The following UPF2 variants were observed in gnomAD, a reference collection of about 807,000 sequenced individuals.
The protein encoded by UPF2 is UPF2 regulator of nonsense mediated mRNA decay, also known as regulator of nonsense transcripts 2.
UPF2 carries 17 observed loss-of-function variants against 141.4 expected under a neutral mutation model. That is an observed-to-expected ratio of 0.12 (90% CI 0.08 to 0.18). The LOEUF (loss-of-function observed/expected upper bound fraction) is 0.18, where lower values mean the gene tolerates loss of function less well. Ranked by LOEUF, UPF2 falls within the 10% of genes least tolerant of loss-of-function variation. The pLI, the probability that UPF2 is intolerant of heterozygous loss-of-function variation, is 1.00. For missense variants in UPF2, 1,152 were observed against 1,515.9 expected (o/e 0.76, Z 3.99); for synonymous variants, 540 against 498.0 (o/e 1.08, Z -1.12).
In UPF2 at chr10:11,935,800, T is replaced by C. The variant is rs907144341; in HGVS notation, c.3546+745A>G. On this transcript the variant is annotated intron_variant, in intron 19 of 21. Transcript: ENST00000357604. This position sits in a 1 kb window ranked among gnomAD's most constrained non-coding sequence, Gnocchi z 4.9. The stretch of plus-strand genomic sequence containing the variant: ...GTACCTGGCACGTAGTGATGCTCAA[T>C]AGTTGACAAATCAACTATGGATCGC... Among the ~76,000 whole-genome samples, 10 of 152,166 alleles carry C rather than the reference T, an allele frequency of 6.6e-5. No homozygotes were observed. The highest frequency in any genetic ancestry group is 1.0e-4 in the Non-Finnish European group (7 of 68,030).
Position 12,016,736 on chromosome 10 carries a change from T to C in UPF2, c.1146-2552A>G, listed in dbSNP as rs531749703. 1.4e-5 allele frequency among the ~76,000 whole-genome samples: 2 copies of C among 145,694 alleles called. No individual in the cohort carries two copies. Among genetic ancestry groups the C allele is most frequent in the South Asian group, 2.2e-4 (1 of 4,586 alleles). On this transcript the variant is annotated intron_variant, in intron 3 of 21. Transcript: ENST00000357604. This position sits in a 1 kb window ranked among gnomAD's most constrained non-coding sequence, Gnocchi z 4.1. ...GTAAGTTACTTAAAAATATCTGCAA[T>C]GTAGGGCCGGGCACGGTGGTTCACG... is the stretch of plus-strand genomic sequence containing the variant.
At chr10:11,942,587 C>A in intron 18 of UPF2, 78 bp downstream of exon 18, 1 of 1,295,642 alleles carries the variant, frequency 7.7e-7, no homozygotes. Flanking sequence ...ATAGGAGAGG[C>A]CTTCACATGA....
chr10:11,984,919 G>C (rs538120112), intron 8 of UPF2, among the ~76,000 whole-genome samples: 4 of 151,980 alleles, frequency 2.6e-5, no homozygotes, highest in African/African-American at 9.7e-5. Flanking sequence ...CAACATGGTG[G>C]CCAGGCTGAT....
Position 11,979,127 on chromosome 10 carries a change from G to A in UPF2, c.1883C>T (p.Thr628Ile). 6.2e-7 allele frequency: 1 copy of A among 1,613,506 alleles called. No homozygotes were observed. Among genetic ancestry groups the A allele is most frequent in the Non-Finnish European group, 8.5e-7 (1 of 1,179,624 alleles). ...LLPFYARLVA[T>I]LHPCMSDVAE... ...TACATCAGACATGCAGGGATGCAAT[G>A]TAGCAACCAATCTTGCATAAAATGG... The change falls in exon 9 of 22, where the codon ACA becomes ATA. Residue 628 changes from threonine to isoleucine, a missense_variant. Coordinates refer to ENST00000357604, the MANE Select transcript of UPF2 (RefSeq NM_015542.4). This position sits in a 1 kb window ranked among gnomAD's most constrained non-coding sequence, Gnocchi z 6.2.
At chr10:11,983,028 G>A (rs917531635) in intron 8 of UPF2, among the ~76,000 whole-genome samples, 8 of 152,088 alleles carry the variant, frequency 5.3e-5, no homozygotes, top group African/African-American at 1.4e-4. Context: ...GTTCAGTTCC[G>A]TGGCAGACAG....
intron 3 of UPF2, among the ~76,000 whole-genome samples, chr10:12,015,420 G>T (rs377146109): frequency 6.8e-4 from 104 of 152,180 alleles, no homozygotes; most frequent in Non-Finnish European, 1.2e-3. Context: ...ATAACAATTC[G>T]GCCAGGCATG....
At position 11,929,858 on chromosome 10, in the gene UPF2, G is replaced by A. The variant is rs1260428708; in HGVS notation, c.3809+7C>T. 3 of 1,614,030 alleles carry A rather than the reference G, an allele frequency of 1.9e-6. No individual in the cohort carries two copies. The highest frequency in any genetic ancestry group is 4.5e-5 in the East Asian group (2 of 44,876). On this transcript the variant is annotated splice_region_variant and intron_variant, in intron 21 of 21. Transcript: ENST00000357604. ...AACAGCTAAGGAAGGAGTAATGACT[G>A]CTTTACCTCCCACCAGTCTTAAAGA...
Position 12,014,013 on chromosome 10 carries a change from A to G in UPF2, c.1306+11T>C, listed in dbSNP as rs771830483. 2.3e-5 allele frequency: 35 copies of G among 1,518,882 alleles called. No homozygotes were observed. Among genetic ancestry groups the G allele is most frequent in the Non-Finnish European group, 3.1e-5 (35 of 1,125,868 alleles). The allele number at this position is 1,518,882 out of a possible 1,614,324, so 94.1% of individuals were successfully genotyped here. On this transcript the variant is annotated intron_variant, in intron 4 of 21. Coordinates refer to ENST00000357604, the MANE Select transcript of UPF2 (RefSeq NM_015542.4). This position sits in a 1 kb window ranked among gnomAD's most constrained non-coding sequence, Gnocchi z 5.0. ...GAAAACACAATGTTTGTTTTTAAGG[A>G]TATCTCTTACCTTCTGGTGTTGGTT...
intron 4 of UPF2, among the ~76,000 whole-genome samples, chr10:12,013,190 A>G (rs983359664): frequency 1.3e-5 from 2 of 151,868 alleles, no homozygotes; most frequent in African/African-American, 4.8e-5. Context: ...CATTCACAGT[A>G]TACAATAGGT....
rs969101672 is a variant in UPF2, at chr10:11,953,060, T to G, written c.2851-811A>C. 1.3e-5 allele frequency among the ~76,000 whole-genome samples: 2 copies of G among 152,230 alleles called. No homozygotes were observed. The highest frequency in any genetic ancestry group is 4.8e-5 in the African/African-American group (2 of 41,458). On this transcript the variant is annotated intron_variant, in intron 14 of 21. Transcript: ENST00000357604. This position sits in a 1 kb window ranked among gnomAD's most constrained non-coding sequence, Gnocchi z 5.0. ...ATTTATTGAATATCTACTGTGTATATGGCATGGTGTGGATATTTTCCCTCT... is the reference window on the plus strand; with the variant it reads ...ATTTATTGAATATCTACTGTGTATAGGGCATGGTGTGGATATTTTCCCTCT...
intron 16 of UPF2, among the ~76,000 whole-genome samples, chr10:11,943,375 A>T (rs1832960853): frequency 6.6e-6 from 1 of 152,224 alleles, no homozygotes; most frequent in South Asian, 2.1e-4. Context: ...CACTACCTTC[A>T]ACTGATCTAA....
chr10:11,940,600 T>A lies in UPF2; in HGVS notation c.3378+2065A>T, dbSNP rs866963912. ...GTGGCCCAATCTGGAAAACCAACTA[T>A]CATCTTTGATGCCTCACCCCCTACA... On this transcript the variant is annotated intron_variant, in intron 18 of 21. Transcript: ENST00000357604. This position sits in a 1 kb window ranked among gnomAD's most constrained non-coding sequence, Gnocchi z 4.2. Among the ~76,000 whole-genome samples, 1 of 152,110 alleles carries A rather than the reference T, an allele frequency of 6.6e-6. No individual in the cohort carries two copies. The highest frequency in any genetic ancestry group is 1.5e-5 in the Non-Finnish European group (1 of 68,014).
At chr10:11,932,139 A>G (rs926031571) in intron 19 of UPF2, among the ~76,000 whole-genome samples, 1 of 150,008 alleles carries the variant, frequency 6.7e-6, no homozygotes, top group Non-Finnish European at 1.5e-5. Flanking sequence ...AAAGAGCAAG[A>G]CTCCAACTCA....
intron 1 of UPF2, chr10:12,035,662 C>A: frequency 2.2e-6 from 1 of 450,098 alleles, no homozygotes; most frequent in South Asian, 7.0e-5. Flanking sequence ...TTGTTTTTTA[C>A]TTTTTATAAG....
chr10:12,038,378 TCACACA>T (rs200544672), intron 1 of UPF2, among the ~76,000 whole-genome samples: 1,637 of 135,832 alleles, frequency 0.012, 18 homozygotes, highest in Non-Finnish European at 0.014. Context: ...AGACTCCATC[TCACACA>T]CACACACACA....
chr10:11,970,154 G>A (rs1234427790), intron 9 of UPF2, among the ~76,000 whole-genome samples: 2 of 152,198 alleles, frequency 1.3e-5, no homozygotes, highest in Non-Finnish European at 2.9e-5. Flanking sequence ...ACTTGGTAAA[G>A]TAAGGATAAT....
At chr10:11,968,074 G>A (rs572309355) in intron 9 of UPF2, among the ~76,000 whole-genome samples, 1 of 152,208 alleles carries the variant, frequency 6.6e-6, no homozygotes, top group South Asian at 2.1e-4. Context: ...ACCTACTTGG[G>A]AAGCTGAGGC....
At chr10:12,009,052 T>C (rs938335891) in intron 4 of UPF2, among the ~76,000 whole-genome samples, 3 of 152,192 alleles carry the variant, frequency 2.0e-5, no homozygotes, top group Non-Finnish European at 4.4e-5. Context: ...TAGTATTCCA[T>C]GGTGTATATG....
chr10:12,003,923 C>CAAAAAAAA (rs34191709), intron 5 of UPF2, among the ~76,000 whole-genome samples: 4 of 81,548 alleles, frequency 4.9e-5, no homozygotes, highest in Non-Finnish European at 8.7e-5. Context: ...AACTCCGCCT[C>CAAAAAAAA]AAAAAAAAAA....
Sources: allele counts gnomAD v4.1 joint callset (sites outside exome capture counted in the v4.1 genomes callset), GRCh38; gene constraint gnomAD v4.1.1; non-coding constraint Gnocchi (gnomAD v3.1); transcripts MANE v1.5; gene names NCBI Gene and HGNC (gene_info 2026-07-23, HGNC 2026-07-21).